The following MAML3 variants were observed in gnomAD, a reference collection of about 807,000 sequenced individuals.
MAML3 encodes the protein mastermind like transcriptional coactivator 3.
Under a neutral mutation model 101.9 loss-of-function variants are expected in MAML3, and 27 were observed. The observed-to-expected ratio is 0.27, with a 90% CI of 0.20 to 0.37. The LOEUF (loss-of-function observed/expected upper bound fraction) is 0.37. MAML3 is among the 10% of genes least tolerant of loss of function. The probability of loss-of-function intolerance (pLI) is 1.00; values close to 1 mark genes in which losing one functional copy is unlikely to be tolerated. For synonymous variants in MAML3, 501 were observed against 555.9 expected (o/e 0.90, Z 1.39); for missense variants, 1,316 against 1,444.9 (o/e 0.91, Z 1.45).
At chr4:139,823,610 C>T (rs534374512) in intron 2 of MAML3, among the ~76,000 whole-genome samples, 1 of 152,134 alleles carries the variant, frequency 6.6e-6, no homozygotes, top group East Asian at 1.9e-4. Context: ...ACATCAGCAG[C>T]GTCTAAGCCT....
intron 1 of MAML3, among the ~76,000 whole-genome samples, chr4:140,050,454 A>G (rs566215796): frequency 2.6e-5 from 4 of 152,168 alleles, no homozygotes; most frequent in South Asian, 4.2e-4. Context: ...ACCAGACCCA[A>G]TTAACCCCTT....
intron 2 of MAML3, among the ~76,000 whole-genome samples, chr4:139,820,206 G>A (rs1171691532): frequency 2.7e-5 from 4 of 149,390 alleles, no homozygotes; most frequent in Non-Finnish European, 6.0e-5. Context: ...TGACCCGAAT[G>A]TCATAGATAT....
intron 2 of MAML3, among the ~76,000 whole-genome samples, chr4:139,769,862 G>A (rs1205373670): frequency 1.3e-5 from 2 of 150,940 alleles, no homozygotes; most frequent in African/African-American, 4.9e-5. Context: ...TGATCCACCC[G>A]CCTTGGCCTC....
At position 139,857,887 on chromosome 4, in the gene MAML3, C is replaced by T. The variant is rs148516844; in HGVS notation, c.2079+31470G>A. Among the ~76,000 whole-genome samples, 411 of 152,348 alleles carry T rather than the reference C, an allele frequency of 2.7e-3. 3 individuals are homozygous for T. Among genetic ancestry groups the T allele is most frequent in the African/African-American group, 9.0e-3 (374 of 41,574 alleles). Reference sequence around the variant, plus strand: ...TTAAGTTTTCTCACCATTGTAGCTACTTTCCTCTGAAAATCCAATTTCTTT... The same window carrying T: ...TTAAGTTTTCTCACCATTGTAGCTATTTTCCTCTGAAAATCCAATTTCTTT... On this transcript the variant is annotated intron_variant, in intron 2 of 4. Coordinates refer to ENST00000509479, the MANE Select transcript of MAML3 (RefSeq NM_018717.5).
At chr4:140,047,431 T>A (rs1165678987) in intron 1 of MAML3, among the ~76,000 whole-genome samples, 1 of 152,118 alleles carries the variant, frequency 6.6e-6, no homozygotes, top group Non-Finnish European at 1.5e-5. Flanking sequence ...CTTGGCGGAA[T>A]TGCAGCGCCC....
intron 1 of MAML3, among the ~76,000 whole-genome samples, chr4:140,074,082 A>C (rs1297700986): frequency 1.3e-5 from 2 of 151,782 alleles, no homozygotes; most frequent in Non-Finnish European, 2.9e-5. Flanking sequence ...CTATGAGCCA[A>C]GATTGTGCCA....
rs5862457 is a variant in MAML3, at chr4:140,147,916, ATGTGTGTG to A, written c.468+4936_468+4943del. 2.0e-5 allele frequency among the ~76,000 whole-genome samples: 3 copies of A among 150,888 alleles called. No homozygotes were observed. The East Asian group carries it at 5.8e-4, about 29-fold the overall frequency. Reference sequence around the variant, plus strand: ...CCAGGGTGAGTGAGTGAATGAGTGAATGTGTGTGTGTGTGTGTGCACGTGCATGCATGA... The same window carrying A: ...CCAGGGTGAGTGAGTGAATGAGTGAATGTGTGTGTGCACGTGCATGCATGA... On this transcript the variant is annotated intron_variant, in intron 1 of 4. Transcript: ENST00000509479.
At chr4:139,773,619 G>C (rs1432218193) in intron 2 of MAML3, among the ~76,000 whole-genome samples, 1 of 152,128 alleles carries the variant, frequency 6.6e-6, no homozygotes, top group Admixed American at 6.6e-5. Context: ...GCGTAAATGG[G>C]TACAGAAGAT....
intron 1 of MAML3, among the ~76,000 whole-genome samples, chr4:140,018,108 C>T (rs1726673217): frequency 6.6e-6 from 1 of 152,120 alleles, no homozygotes; most frequent in Admixed American, 6.5e-5. Context: ...CAGACAACTG[C>T]TGGTGTAGCT....
At position 139,852,176 on chromosome 4, in the gene MAML3, C is replaced by T. The variant is rs935538433; in HGVS notation, c.2079+37181G>A. Among the ~76,000 whole-genome samples the T allele has an allele frequency of 3.3e-5, 5 of 152,264 alleles. No individual in the cohort carries two copies. The East Asian group carries it at 9.6e-4, about 29-fold the overall frequency. ...CTAAAGATCCTTTAATCAAGCATAT[C>T]CTCGCCAGGGTACTGAACAAAGCTG... On this transcript the variant is annotated intron_variant, in intron 2 of 4. Coordinates refer to ENST00000509479, the MANE Select transcript of MAML3 (RefSeq NM_018717.5).
chr4:139,869,334 T>A (rs912314358), intron 2 of MAML3, among the ~76,000 whole-genome samples: 1 of 151,682 alleles, frequency 6.6e-6, no homozygotes, highest in Admixed American at 6.6e-5. Flanking sequence ...GGATCTATGT[T>A]CTCAAGGACC....
intron 1 of MAML3, among the ~76,000 whole-genome samples, chr4:139,961,431 T>G (rs1236820371): frequency 6.6e-6 from 1 of 152,148 alleles, no homozygotes; most frequent in Non-Finnish European, 1.5e-5. Context: ...TACGTTCCAT[T>G]AGATTATCCT....
At chr4:140,134,139 C>T (rs982999269) in intron 1 of MAML3, 3 of 456,614 alleles carry the variant, frequency 6.6e-6, no homozygotes, top group Non-Finnish European at 1.3e-5. Flanking sequence ...AACTGCAGGT[C>T]TTTTGTGGCT....
intron 1 of MAML3, among the ~76,000 whole-genome samples, chr4:140,116,571 C>T (rs1728521913): frequency 1.3e-5 from 2 of 152,206 alleles, no homozygotes; most frequent in South Asian, 4.1e-4. Context: ...CAGAAAGTCA[C>T]GTTAGAGACT....
intron 1 of MAML3, among the ~76,000 whole-genome samples, chr4:139,947,630 T>C (rs2110751296): frequency 6.6e-6 from 1 of 152,306 alleles, no homozygotes; most frequent in South Asian, 2.1e-4. Context: ...GGGGCTTAAT[T>C]AACCTTTTAA....
At chr4:140,124,589 A>G (rs752383332) in intron 1 of MAML3, among the ~76,000 whole-genome samples, 9 of 152,222 alleles carry the variant, frequency 5.9e-5, no homozygotes, top group Non-Finnish European at 1.3e-4. Context: ...GTGAAAGAAT[A>G]GAAGAAATCA....
At chr4:139,767,934 C>T (rs1729897510) in intron 2 of MAML3, among the ~76,000 whole-genome samples, 1 of 152,180 alleles carries the variant, frequency 6.6e-6, no homozygotes, top group Admixed American at 6.5e-5. Flanking sequence ...GCCAGAATGG[C>T]ATATTATATT....
chr4:139,793,432 T>C (rs937242003), intron 2 of MAML3, among the ~76,000 whole-genome samples: 1 of 152,190 alleles, frequency 6.6e-6, no homozygotes, highest in African/African-American at 2.4e-5. Context: ...ATCACCAAGA[T>C]GTGCACACAT....
intron 1 of MAML3, among the ~76,000 whole-genome samples, chr4:140,149,622 A>G (rs1441487782): frequency 2.0e-5 from 3 of 152,210 alleles, no homozygotes; most frequent in African/African-American, 7.2e-5. Context: ...ATACCAATGA[A>G]ACAGTAAAGA....
Sources: gnomAD v4.1 joint callset for allele counts (sites outside exome capture counted in the v4.1 genomes callset) on GRCh38, gnomAD v4.1.1 for gene constraint, MANE v1.5 for transcripts, NCBI Gene and HGNC (gene_info 2026-07-23, HGNC 2026-07-21) for gene names.